DMD: variants seen among roughly 807,000 people sequenced by gnomAD.
The protein encoded by DMD is mutant dystrophin.
In DMD, 63 loss-of-function variants were observed where a neutral mutation model predicts 330.1. The observed-to-expected ratio is 0.19, with a 90% CI of 0.16 to 0.24. The LOEUF is 0.24. DMD is among the 10% of genes least tolerant of loss of function. DMD has a pLI of 1.00. For synonymous variants in DMD, 1,223 were observed against 959.8 expected (o/e 1.27, Z -5.07); for missense variants, 3,344 against 2,684.1 (o/e 1.25, Z -5.43).
intron 60 of DMD, among the ~76,000 whole-genome samples, chrX:31,373,805 C>A (rs1477561862): frequency 8.2e-5 from 9 of 109,163 alleles, no homozygotes; most frequent in Admixed American, 4.9e-4. Context: ...GCAACAAAAG[C>A]CAAAATTGAC....
At chrX:32,996,585 G>T (rs949805531) in intron 2 of DMD, among the ~76,000 whole-genome samples, 3 of 111,740 alleles carry the variant, frequency 2.7e-5, no homozygotes, top group Non-Finnish European at 5.6e-5. Flanking sequence ...CACTTTGGGA[G>T]GCAGAGGCGG....
intron 1 of DMD, among the ~76,000 whole-genome samples, chrX:33,094,633 C>T (rs1258677308): frequency 9.1e-6 from 1 of 109,787 alleles, no homozygotes; most frequent in Admixed American, 9.7e-5. Flanking sequence ...ATGATGAAAC[C>T]CCATCTCTCC....
intron 16 of DMD, among the ~76,000 whole-genome samples, chrX:32,563,884 C>A (rs914838782): frequency 3.6e-5 from 4 of 111,696 alleles, no homozygotes; most frequent in African/African-American, 1.3e-4. Flanking sequence ...ATTTTAGGCT[C>A]AGGAGTACAT....
intron 11 of DMD, among the ~76,000 whole-genome samples, chrX:32,616,433 T>C (rs1010403848): frequency 9.0e-6 from 1 of 111,262 alleles, no homozygotes; most frequent in Non-Finnish European, 1.9e-5. Context: ...TGGACTCATG[T>C]ATAGTTATTT....
chrX:32,406,959 T>A (rs1310090681), intron 30 of DMD, among the ~76,000 whole-genome samples: 1 of 111,396 alleles, frequency 9.0e-6, no homozygotes, highest in Non-Finnish European at 1.9e-5. Flanking sequence ...CCTTACACCT[T>A]ATACAAAAAT....
Position 31,444,581 on chromosome X carries a change from A to G in DMD, c.8984T>C (p.Val2995Ala). Residue 2995 changes from valine (V) to alanine (A), a missense_variant, in exon 60 of 79, where the codon GTC (valine) becomes GCC (alanine). Physicochemically the swap from Val to Ala is moderately conservative, Grantham distance 64 (BLOSUM62 0). Transcript: ENST00000357033. Reference sequence around the variant, plus strand: ...GGTAAGCTGGCGAGCAAGGTCATTGACGTGGCTCACGTTCTCTTTCAGAGG... The same window carrying G: ...GGTAAGCTGGCGAGCAAGGTCATTGGCGTGGCTCACGTTCTCTTTCAGAGG... ...IAPLKENVSH[V>A]NDLARQLTTL... The G allele has an allele frequency of 2.5e-6, 3 of 1,211,568 alleles. No individual in the cohort carries two copies. Among genetic ancestry groups the G allele is most frequent in the East Asian group, 5.9e-5 (2 of 33,819 alleles).
At chrX:31,145,070 T>C (rs760807253) in intron 76 of DMD, among the ~76,000 whole-genome samples, 1 of 112,305 alleles carries the variant, frequency 8.9e-6, no homozygotes, top group South Asian at 3.7e-4. Context: ...CATCCAACTT[T>C]TGCCTAAGGC....
intron 65 of DMD, among the ~76,000 whole-genome samples, chrX:31,207,530 A>G (rs2148573344): frequency 8.9e-6 from 1 of 112,403 alleles, no homozygotes; most frequent in South Asian, 3.7e-4. Context: ...CATATACACT[A>G]TGGAATACCA....
chrX:32,613,104 G>A (rs1442495588), intron 12 of DMD, among the ~76,000 whole-genome samples: 1 of 111,692 alleles, frequency 9.0e-6, no homozygotes, highest in Non-Finnish European at 1.9e-5. Context: ...ATCATAAGTA[G>A]AGTTGCCAGA....
At chrX:32,394,921 A>AAAAAAAAACAAAAAAAAAAAAAAAAAAC (rs1557326841) in intron 30 of DMD, among the ~76,000 whole-genome samples, 4 of 63,737 alleles carry the variant, frequency 6.3e-5, no homozygotes, top group Non-Finnish European at 1.2e-4. Flanking sequence ...AAAAACAAAA[A>AAAAAAAAACAAAAAAAAAAAAAAAAAAC]AAAAAAAAAA....
intron 23 of DMD, 39 bp from the exon 24 acceptor site, chrX:32,464,738 G>C (rs759895378): frequency 2.3e-5 from 22 of 956,291 alleles, no homozygotes; most frequent in Non-Finnish European, 3.2e-5. Flanking sequence ...CTGGTGTGCT[G>C]ATTACTTTTA....
intron 1 of DMD, among the ~76,000 whole-genome samples, chrX:33,077,221 G>T (rs1399841696): frequency 9.0e-6 from 1 of 111,212 alleles, no homozygotes; most frequent in Non-Finnish European, 1.9e-5. Flanking sequence ...TCCTACAAAC[G>T]CAAGTCCCAG....
chrX:32,572,545 TTA>T (rs1296382623), intron 15 of DMD, among the ~76,000 whole-genome samples: 4 of 87,864 alleles, frequency 4.6e-5, no homozygotes, highest in Non-Finnish European at 7.5e-5. Flanking sequence ...AAGAGAAACT[TTA>T]GAGTTTTTTT....
chrX:32,140,726 G>C (rs181035884), intron 44 of DMD, among the ~76,000 whole-genome samples: 2 of 110,394 alleles, frequency 1.8e-5, no homozygotes, highest in South Asian at 3.8e-4. Flanking sequence ...ATGTGGAGAC[G>C]CAAGAGCAGA....
intron 13 of DMD, among the ~76,000 whole-genome samples, chrX:32,575,528 A>ACCCACAGG (rs2052939288): frequency 8.9e-6 from 1 of 112,537 alleles, no homozygotes. Context: ...GTGCGAGCTT[A>ACCCACAGG]AATCAATGAA....
chrX:32,123,851 T>G (rs2096649623), intron 44 of DMD, among the ~76,000 whole-genome samples: 1 of 112,272 alleles, frequency 8.9e-6, no homozygotes, highest in Admixed American at 9.4e-5. Flanking sequence ...TGGTAGAAAT[T>G]TTATGGTGTA....
chrX:31,539,730 T>C lies in DMD; in HGVS notation c.8218-32277A>G, dbSNP rs571315140. Among the ~76,000 whole-genome samples the C allele has an allele frequency of 2.7e-5, 3 of 112,089 alleles. No individual in the cohort carries two copies. The South Asian group carries it at 1.1e-3, about 42-fold the overall frequency. ...TTGAGACATATTTGGCTTGAATCTATACAAATGGCAGCAGAATACTTGCAA... is the reference window on the plus strand; with the variant it reads ...TTGAGACATATTTGGCTTGAATCTACACAAATGGCAGCAGAATACTTGCAA... On this transcript the variant is annotated intron_variant, in intron 55 of 78. Transcript: ENST00000357033.
At chrX:31,589,665 A>C (rs1459471355) in intron 55 of DMD, among the ~76,000 whole-genome samples, 1 of 111,696 alleles carries the variant, frequency 9.0e-6, no homozygotes, top group Non-Finnish European at 1.9e-5. Flanking sequence ...TGTTTTACTT[A>C]GTCTCAATGT....
At chrX:32,190,378 T>C (rs923331435) in intron 44 of DMD, among the ~76,000 whole-genome samples, 6 of 108,281 alleles carry the variant, frequency 5.5e-5, no homozygotes, top group Non-Finnish European at 1.1e-4. Context: ...TGTGCAATGC[T>C]ATACCGCCTG....
Sources: gnomAD v4.1 joint callset for allele counts (sites outside exome capture counted in the v4.1 genomes callset) on GRCh38, gnomAD v4.1.1 for gene constraint, MANE v1.5 for transcripts, NCBI Gene and HGNC (gene_info 2026-07-23, HGNC 2026-07-21) for gene names.